Variants in FGF12 observed in about 807,000 individuals in gnomAD.
The protein encoded by FGF12 is fibroblast growth factor 12B.
A neutral mutation model predicts 23.6 loss-of-function variants in FGF12; 14 were observed. The observed-to-expected ratio is 0.59, with a 90% CI of 0.39 to 0.93. The LOEUF is 0.93. FGF12 is among the 40% of genes least tolerant of loss of function. The pLI is 0.00. For synonymous variants in FGF12, 62 were observed against 77.3 expected (o/e 0.80, Z 1.04); for missense variants, 175 against 217.8 (o/e 0.80, Z 1.24).
At chr3:192,503,895 T>TA (rs1724212341) in intron 2 of FGF12, among the ~76,000 whole-genome samples, 1 of 152,188 alleles carries the variant, frequency 6.6e-6, no homozygotes, top group African/African-American at 2.4e-5. Flanking sequence ...TGCATGTATA[T>TA]GTTCATTGCA....
intron 4 of FGF12, among the ~76,000 whole-genome samples, chr3:192,244,146 G>A (rs1719765079): frequency 6.6e-6 from 1 of 152,080 alleles, no homozygotes; most frequent in Non-Finnish European, 1.5e-5. Flanking sequence ...TATCTAGGGA[G>A]ATCGATTTGG....
At chr3:192,184,373 G>T (rs1483177202) in intron 4 of FGF12, among the ~76,000 whole-genome samples, 2 of 152,150 alleles carry the variant, frequency 1.3e-5, no homozygotes, top group Non-Finnish European at 2.9e-5. Flanking sequence ...TTGGCTGCAG[G>T]TAGGAAGTTA....
chr3:192,285,141 A>G (rs910944165), intron 4 of FGF12, among the ~76,000 whole-genome samples: 1 of 152,084 alleles, frequency 6.6e-6, no homozygotes. Context: ...CTGCCCTATG[A>G]AATGAAATGT....
intron 2 of FGF12, among the ~76,000 whole-genome samples, chr3:192,652,799 G>A (rs190001407): frequency 3.3e-5 from 5 of 152,270 alleles, no homozygotes; most frequent in Admixed American, 6.5e-5. Context: ...ACCAAAAAAC[G>A]TCAGTTCTAA....
At chr3:192,433,246 ATCT>A (rs1398380023) in intron 2 of FGF12, among the ~76,000 whole-genome samples, 1 of 152,180 alleles carries the variant, frequency 6.6e-6, no homozygotes, top group Non-Finnish European at 1.5e-5. Context: ...TTTGGGAGTA[ATCT>A]TCTCCTGATC....
At chr3:192,714,561 C>T (rs1718800918) in intron 2 of FGF12, among the ~76,000 whole-genome samples, 1 of 141,870 alleles carries the variant, frequency 7.0e-6, no homozygotes, top group Non-Finnish European at 1.5e-5. Context: ...CTCTGTCGCC[C>T]AGGCTGGAGT....
At chr3:192,661,028 G>C in intron 2 of FGF12, among the ~76,000 whole-genome samples, 1 of 151,958 alleles carries the variant, frequency 6.6e-6, no homozygotes, top group Non-Finnish European at 1.5e-5. Flanking sequence ...AACTGGGAAC[G>C]TCTGTTCTGG....
intron 2 of FGF12, among the ~76,000 whole-genome samples, chr3:192,445,528 TC>T (rs1371429823): frequency 1.3e-5 from 2 of 152,190 alleles, no homozygotes; most frequent in African/African-American, 4.8e-5. Context: ...AGATGCCTTT[TC>T]CTGAGTCCTT....
intron 4 of FGF12, among the ~76,000 whole-genome samples, chr3:192,272,131 G>A (rs1376920442): frequency 6.6e-6 from 1 of 152,120 alleles, no homozygotes; most frequent in Non-Finnish European, 1.5e-5. Context: ...AAAATTAATG[G>A]CCCGAGTTCC....
chr3:192,715,642 C>T (rs1202581724), intron 2 of FGF12, among the ~76,000 whole-genome samples: 1 of 152,192 alleles, frequency 6.6e-6, no homozygotes, highest in East Asian at 1.9e-4. Context: ...GGTTCCTAGC[C>T]TCTAATGCCT....
At chr3:192,257,099 C>T (rs1205984780) in intron 4 of FGF12, among the ~76,000 whole-genome samples, 1 of 152,068 alleles carries the variant, frequency 6.6e-6, no homozygotes, top group Non-Finnish European at 1.5e-5. Context: ...AATAATATAA[C>T]GTGACTTGGT....
chr3:192,256,492 A>T (rs2108612689), intron 4 of FGF12, among the ~76,000 whole-genome samples: 1 of 151,740 alleles, frequency 6.6e-6, no homozygotes, highest in South Asian at 2.1e-4. Context: ...TATATATTTT[A>T]AGTAAAATAT....
At chr3:192,311,937 C>CTATCTAAG (rs1165538267) in intron 4 of FGF12, among the ~76,000 whole-genome samples, 30 of 150,516 alleles carry the variant, frequency 2.0e-4, no homozygotes, top group African/African-American at 7.3e-4. Context: ...GTCTATCTAT[C>CTATCTAAG]TATCTATCTA....
intron 4 of FGF12, among the ~76,000 whole-genome samples, chr3:192,187,285 G>A (rs1192482140): frequency 3.3e-5 from 5 of 151,944 alleles, no homozygotes; most frequent in African/African-American, 4.8e-5. Context: ...GTCTTTTTTT[G>A]AGCAAAGGCA....
chr3:192,724,030 G>A (rs1048051491), intron 2 of FGF12, among the ~76,000 whole-genome samples: 24 of 141,502 alleles, frequency 1.7e-4, no homozygotes, highest in Non-Finnish European at 6.1e-5. Context: ...GAAAAGGGAG[G>A]GAGAAAGGGA....
chr3:192,437,055 T>G (rs1190482299), intron 2 of FGF12, among the ~76,000 whole-genome samples: 2 of 152,194 alleles, frequency 1.3e-5, no homozygotes, highest in Non-Finnish European at 2.9e-5. Context: ...TTGCATCTTA[T>G]GAATGAATAG....
intron 2 of FGF12, among the ~76,000 whole-genome samples, chr3:192,428,750 G>A (rs1158860035): frequency 6.6e-6 from 1 of 152,092 alleles, no homozygotes; most frequent in East Asian, 1.9e-4. Context: ...GAAAGAAGGA[G>A]GGATTTTATG....
rs374372723 is a variant in FGF12 at position 192,499,056 on chromosome 3, CT to C, written c.14-138519del. Among the ~76,000 whole-genome samples, 241 of 152,190 alleles carry C rather than the reference CT, an allele frequency of 1.6e-3. 1 individual carries two copies. In the Middle Eastern group the frequency reaches 0.02, roughly 13 times the overall value. ...CTCTCCAAGGTGATATAAAATGAAG[CT>C]TTATTTTTATCCCTGATATAGTCTT... On this transcript the variant is annotated intron_variant, in intron 2 of 5. Transcript: ENST00000445105.
At chr3:192,352,727 A>G (rs992337678) in intron 3 of FGF12, among the ~76,000 whole-genome samples, 4 of 152,236 alleles carry the variant, frequency 2.6e-5, no homozygotes, top group African/African-American at 9.6e-5. Flanking sequence ...TTTAAACTAC[A>G]CAACAGCCCT....
Sources: allele counts gnomAD v4.1 joint callset (sites outside exome capture counted in the v4.1 genomes callset), GRCh38; gene constraint gnomAD v4.1.1; transcripts MANE v1.5; gene names NCBI Gene and HGNC (gene_info 2026-07-23, HGNC 2026-07-21).